ATXN2: variants seen among roughly 807,000 people sequenced by gnomAD.
ATXN2 encodes ataxin-2.
ATXN2 carries 37 observed loss-of-function variants against 138.6 expected under a neutral mutation model. The observed-to-expected ratio is 0.27, with a 90% CI of 0.21 to 0.35. The LOEUF is 0.35. Among genes scored for constraint, ATXN2 ranks in the 10% least tolerant of loss-of-function variants. The pLI is 1.00. For missense variants in ATXN2, 1,216 were observed against 1,480.3 expected (o/e 0.82, Z 2.93); for synonymous variants, 549 against 543.7 (o/e 1.01, Z -0.13).
chr12:111,545,563 A>G (rs530537018), intron 5 of ATXN2, among the ~76,000 whole-genome samples: 7 of 150,922 alleles, frequency 4.6e-5, no homozygotes, highest in South Asian at 2.2e-4. Flanking sequence ...GACTCCATCT[A>G]AAAAAAAAGA....
At chr12:111,535,718 A>AGG (rs1881122062) in intron 5 of ATXN2, among the ~76,000 whole-genome samples, 3 of 151,422 alleles carry the variant, frequency 2.0e-5, no homozygotes, top group Admixed American at 6.6e-5. Flanking sequence ...ATTGGGAAAT[A>AGG]GGCCGGGCGC....
At chr12:111,514,458 ACTCT>A (rs1386232860) in intron 10 of ATXN2, among the ~76,000 whole-genome samples, 1 of 151,972 alleles carries the variant, frequency 6.6e-6, no homozygotes, top group Non-Finnish European at 1.5e-5. Context: ...AAATCTCCTC[ACTCT>A]CTCACCCGGC....
At chr12:111,556,043 A>C (rs1182584313) in intron 1 of ATXN2, 124 bp from the exon 2 acceptor site, 2 of 777,882 alleles carry the variant, frequency 2.6e-6, no homozygotes, top group African/African-American at 3.6e-5. Context: ...GAGCTCACCT[A>C]ATATTAAGTC....
intron 1 of ATXN2, among the ~76,000 whole-genome samples, chr12:111,572,782 C>A (rs1463200897): frequency 6.6e-6 from 1 of 152,078 alleles, no homozygotes; most frequent in Non-Finnish European, 1.5e-5. Flanking sequence ...GTCCTTCTAG[C>A]CCCAGACTTT....
chr12:111,533,807 G>A (rs1247633401), intron 5 of ATXN2, among the ~76,000 whole-genome samples: 3 of 152,156 alleles, frequency 2.0e-5, no homozygotes, highest in East Asian at 1.9e-4. Flanking sequence ...AATTACAGGT[G>A]TGACCCACAG....
chr12:111,506,418 AT>A (rs1879115128), intron 14 of ATXN2, among the ~76,000 whole-genome samples: 1 of 152,182 alleles, frequency 6.6e-6, no homozygotes, highest in Non-Finnish European at 1.5e-5. Flanking sequence ...TAAACGGTTT[AT>A]TTATATATGT....
intron 18 of ATXN2, among the ~76,000 whole-genome samples, chr12:111,473,066 A>C (rs1369922593): frequency 6.6e-6 from 1 of 151,766 alleles, no homozygotes; most frequent in Non-Finnish European, 1.5e-5. Flanking sequence ...TGAGCTCAGG[A>C]GTTCGACACC....
At chr12:111,580,537 G>A (rs191214561) in intron 1 of ATXN2, among the ~76,000 whole-genome samples, 3 of 150,590 alleles carry the variant, frequency 2.0e-5, no homozygotes, top group Non-Finnish European at 4.4e-5. Context: ...AGATGACAAC[G>A]GAACGGGAGG....
At chr12:111,581,934 C>A (rs1342377569) in intron 1 of ATXN2, among the ~76,000 whole-genome samples, 1 of 149,834 alleles carries the variant, frequency 6.7e-6, no homozygotes, top group Non-Finnish European at 1.5e-5. Context: ...ATAAACTGCA[C>A]GTGTTTCTGG....
intron 1 of ATXN2, among the ~76,000 whole-genome samples, chr12:111,585,634 G>T (rs185960303): frequency 6.6e-6 from 1 of 151,580 alleles, no homozygotes; most frequent in African/African-American, 2.4e-5. Flanking sequence ...GGGAAACCCC[G>T]TCTCTACTAA....
At chr12:111,456,377 G>A (rs1359979977) in intron 22 of ATXN2, 121 bp from the exon 23 acceptor site, 1 of 1,042,212 alleles carries the variant, frequency 9.6e-7, no homozygotes, top group African/African-American at 1.6e-5. Context: ...GAAAGTACAG[G>A]AGAATGTACA....
Position 111,513,024 on chromosome 12 carries a change from T to C in ATXN2, c.1558+333A>G. 1.2e-5 allele frequency: 3 copies of C among 251,204 alleles called. No individual in the cohort carries two copies. The South Asian group carries it at 1.6e-4, about 13-fold the overall frequency. The allele number at this position is 251,204 out of a possible 1,614,324, so 15.6% of individuals were successfully genotyped here. ...CTGTGTTTGCCTCATATTAGAGAGGTACTTTACAAAACTTTATAGTTTTAC... is the reference window on the plus strand; with the variant it reads ...CTGTGTTTGCCTCATATTAGAGAGGCACTTTACAAAACTTTATAGTTTTAC... On this transcript the variant is annotated intron_variant, in intron 11 of 24. Transcript: ENST00000673436.
chr12:111,515,180 A>T (rs956736122), intron 10 of ATXN2, among the ~76,000 whole-genome samples: 2 of 152,198 alleles, frequency 1.3e-5, no homozygotes, highest in Admixed American at 6.5e-5. Flanking sequence ...GTAACAATTT[A>T]TTTAAAAGTA....
chr12:111,476,762 A>G (rs1201315199), intron 18 of ATXN2, among the ~76,000 whole-genome samples: 1 of 152,240 alleles, frequency 6.6e-6, no homozygotes, highest in Non-Finnish European at 1.5e-5. Flanking sequence ...GGAGCAGTAT[A>G]TGATGACCTC....
At chr12:111,571,151 G>C (rs893293072) in intron 1 of ATXN2, among the ~76,000 whole-genome samples, 1 of 152,170 alleles carries the variant, frequency 6.6e-6, no homozygotes, top group Non-Finnish European at 1.5e-5. Flanking sequence ...GAAGGAGCAG[G>C]GATGCGAATA....
At chr12:111,560,347 G>C (rs1882613579) in intron 1 of ATXN2, among the ~76,000 whole-genome samples, 4 of 152,136 alleles carry the variant, frequency 2.6e-5, no homozygotes, top group Admixed American at 2.6e-4. Context: ...ATGTGCACCG[G>C]TATATGCAAA....
rs112432585 is a variant in ATXN2, at chr12:111,457,135, C to T, written c.3042+79G>A. On this transcript the variant is annotated intron_variant, in intron 22 of 24. Transcript: ENST00000673436. ...GGACATGCCATGTGTTCTGACGATG[C>T]GATACCTGGCACCTGAAGAAAGCAC... is the stretch of plus-strand genomic sequence containing the variant. The T allele has an allele frequency of 3.0e-4, 446 of 1,502,398 alleles. 1 individual carries two copies. The highest frequency in any genetic ancestry group is 8.8e-4 in the South Asian group (69 of 78,130). 93.1% of individuals were successfully genotyped at this position (1,502,398 alleles called of 1,614,324 possible).
chr12:111,492,169 CAAAG>C, intron 14 of ATXN2, among the ~76,000 whole-genome samples: 1 of 152,168 alleles, frequency 6.6e-6, no homozygotes, highest in South Asian at 2.1e-4. Flanking sequence ...CAGCTCAGCA[CAAAG>C]AGAGACTCCA....
At chr12:111,575,049 C>G (rs1195929334) in intron 1 of ATXN2, among the ~76,000 whole-genome samples, 3 of 152,092 alleles carry the variant, frequency 2.0e-5, no homozygotes, top group African/African-American at 7.2e-5. Flanking sequence ...AATAAACTCA[C>G]GGTAGCGTCC....
Sources: allele counts gnomAD v4.1 joint callset (sites outside exome capture counted in the v4.1 genomes callset), GRCh38; gene constraint gnomAD v4.1.1; transcripts MANE v1.5; gene names NCBI Gene and HGNC (gene_info 2026-07-23, HGNC 2026-07-21).